Variants in KDM6A observed in about 807,000 individuals in gnomAD.
KDM6A encodes the protein lysine-specific demethylase 6A.
A neutral mutation model predicts 117.6 loss-of-function variants in KDM6A; 11 were observed. That is an observed-to-expected ratio of 0.09 (90% CI 0.06 to 0.15). The LOEUF is 0.15. Among genes scored for constraint, KDM6A ranks in the 10% least tolerant of loss-of-function variants. KDM6A has a pLI of 1.00. For missense variants in KDM6A, 799 were observed against 1,077.3 expected (o/e 0.74, Z 3.62); for synonymous variants, 384 against 396.1 (o/e 0.97, Z 0.36).
At chrX:45,041,670 C>T (rs1394333889) in intron 8 of KDM6A, among the ~76,000 whole-genome samples, 4 of 108,054 alleles carry the variant, frequency 3.7e-5, no homozygotes, top group African/African-American at 1.4e-4. Flanking sequence ...CGGGCAGAGA[C>T]GCTCCTCACT....
chrX:44,955,392 C>T (rs1767829670), intron 2 of KDM6A, among the ~76,000 whole-genome samples: 1 of 111,207 alleles, frequency 9.0e-6, no homozygotes, highest in Non-Finnish European at 1.9e-5. Flanking sequence ...GGATACCTAG[C>T]AGCCAATAAA....
Position 45,059,457 on chromosome X carries a change from G to T in KDM6A, c.1185G>T (p.Lys395Asn), listed in dbSNP as rs776700938. 6 of 1,192,957 alleles carry T rather than the reference G, an allele frequency of 5.0e-6. No homozygotes were observed. Among genetic ancestry groups the T allele is most frequent in the Non-Finnish European group, 6.8e-6 (6 of 881,168 alleles). ...SNTSALAARI[K>N]YLQAQLCNLP... ...CCTCTGCACTTGCAGCACGAATTAA[G>T]TATTTACAGGTAAAATTTTTAAATG... is the stretch of plus-strand genomic sequence containing the variant. Residue 395 changes from lysine to asparagine, a missense_variant, in exon 12 of 30, where the codon AAG becomes AAT. Around this residue, in one of 8 missense-constraint regions of KDM6A, gnomAD observed 36 missense variants for 44.4 expected, o/e 0.81. Transcript: ENST00000611820.
intron 22 of KDM6A, 33 bp from the exon 23 acceptor site, chrX:45,082,682 G>A (rs1229794498): frequency 1.7e-6 from 2 of 1,169,922 alleles, no homozygotes; most frequent in East Asian, 3.0e-5. Context: ...CTTTTTAAAA[G>A]GCATGTTTCT....
At chrX:45,023,460 T>G (rs1331112222) in intron 6 of KDM6A, among the ~76,000 whole-genome samples, 1 of 111,600 alleles carries the variant, frequency 9.0e-6, no homozygotes, top group Non-Finnish European at 1.9e-5. Flanking sequence ...GTGTTGGTGC[T>G]GTGTAAACAG....
chrX:44,915,049 A>G (rs1031875092), intron 2 of KDM6A, among the ~76,000 whole-genome samples: 1 of 111,865 alleles, frequency 8.9e-6, no homozygotes, highest in African/African-American at 3.3e-5. Context: ...CAACTGCTTT[A>G]GTCAGTTGTA....
chrX:45,105,362 A>T lies in KDM6A; in HGVS notation c.4035-2048A>T, dbSNP rs1017084446. On this transcript the variant is annotated intron_variant, in intron 27 of 29. Coordinates refer to ENST00000611820, the MANE Select transcript of KDM6A (RefSeq NM_001291415.2). ...ATAATGTATATGAAATAGCAAATAC[A>T]TGGCCCCTGTCTGGTTCTTATTTTT... is the stretch of plus-strand genomic sequence containing the variant. Among the ~76,000 whole-genome samples the T allele has an allele frequency of 5.4e-5, 6 of 111,869 alleles. No individual in the cohort carries two copies. In the South Asian group the frequency reaches 2.3e-3, roughly 42 times the overall value.
At chrX:44,986,276 T>G (rs1460196708) in intron 4 of KDM6A, among the ~76,000 whole-genome samples, 1 of 111,989 alleles carries the variant, frequency 8.9e-6, no homozygotes, top group East Asian at 2.8e-4. Flanking sequence ...CATTTTTTAT[T>G]GCGTCTATTT....
intron 10 of KDM6A, 63 bp downstream of exon 10, chrX:45,054,018 A>G (rs1401419026): frequency 9.2e-7 from 1 of 1,089,040 alleles, no homozygotes. Context: ...TTGAATTACA[A>G]TTTAAAATGT....
At chrX:44,989,287 G>A (rs2040437936) in intron 4 of KDM6A, among the ~76,000 whole-genome samples, 3 of 102,684 alleles carry the variant, frequency 2.9e-5, no homozygotes, top group Non-Finnish European at 4.0e-5. Flanking sequence ...CTGATTTTCC[G>A]GGTGCCGTCT....
chrX:44,923,782 A>G (rs1344441943), intron 2 of KDM6A, among the ~76,000 whole-genome samples: 5 of 110,375 alleles, frequency 4.5e-5, no homozygotes, highest in African/African-American at 9.9e-5. Flanking sequence ...GAGTGCAGTG[A>G]TGCAATCTCG....
intron 2 of KDM6A, among the ~76,000 whole-genome samples, chrX:44,959,737 A>G (rs1442428302): frequency 1.8e-5 from 2 of 111,697 alleles, no homozygotes; most frequent in East Asian, 5.6e-4. Flanking sequence ...CATCTGCCAG[A>G]TAAGAATTAT....
At chrX:45,011,681 T>G (rs779590128) in intron 5 of KDM6A, among the ~76,000 whole-genome samples, 1 of 112,235 alleles carries the variant, frequency 8.9e-6, no homozygotes, top group Non-Finnish European at 1.9e-5. Flanking sequence ...GTTGAAAGAT[T>G]GGTATTGTTG....
intron 4 of KDM6A, among the ~76,000 whole-genome samples, chrX:45,001,986 G>T (rs2041166227): frequency 9.0e-6 from 1 of 111,306 alleles, no homozygotes; most frequent in Non-Finnish European, 1.9e-5. Flanking sequence ...AAGACTTTTA[G>T]TTTTGAAGGA....
intron 2 of KDM6A, among the ~76,000 whole-genome samples, chrX:44,902,396 C>T (rs1304150232): frequency 2.0e-5 from 2 of 102,095 alleles, no homozygotes; most frequent in African/African-American, 7.2e-5. Flanking sequence ...CCATTTCTAC[C>T]TTTTTTTTTT....
intron 8 of KDM6A, 121 bp downstream of exon 8, chrX:45,037,810 G>A (rs1436695726): frequency 1.8e-6 from 1 of 550,441 alleles, no homozygotes; most frequent in Non-Finnish European, 3.0e-6. Context: ...TTACTTCTTA[G>A]GTAAATTTTG....
chrX:45,079,205 G>T lies in KDM6A; in HGVS notation c.3154G>T (p.Val1052Leu). 1 of 1,210,791 alleles carries T rather than the reference G, an allele frequency of 8.3e-7. No individual in the cohort carries two copies. Among genetic ancestry groups the T allele is most frequent in the Non-Finnish European group, 1.1e-6 (1 of 894,640 alleles). Reference sequence around the variant, plus strand: ...AGCTAACAATGAACATATGGTAGAAGTGAGGACACAGTTGTTGCAGCCAGC... The same window carrying T: ...AGCTAACAATGAACATATGGTAGAATTGAGGACACAGTTGTTGCAGCCAGC... ...VEANNEHMVE[V>L]RTQLLQPADE... Residue 1052 changes from valine (V) to leucine (L), a missense_variant, in exon 21 of 30, where the codon GTG becomes TTG. Physicochemically the swap from Val to Leu is conservative, Grantham distance 32. Coordinates refer to ENST00000611820, the MANE Select transcript of KDM6A (RefSeq NM_001291415.2).
intron 5 of KDM6A, among the ~76,000 whole-genome samples, chrX:45,011,984 C>T (rs937008050): frequency 1.8e-5 from 2 of 108,550 alleles, no homozygotes; most frequent in Admixed American, 9.9e-5. Context: ...GGGGCCTCCC[C>T]CTATGTTGCC....
chrX:45,069,637 C>A lies in KDM6A; in HGVS notation c.2138C>A (p.Ser713Tyr), dbSNP rs1367958377. ...SAGPNGERPL[S>Y]STGPSQHLQA... Reference sequence around the variant, plus strand: ...GGTCCTAATGGTGAACGACCTCTCTCTTCCACTGGGCCTTCCCAGCATCTC... The same window carrying A: ...GGTCCTAATGGTGAACGACCTCTCTATTCCACTGGGCCTTCCCAGCATCTC... Residue 713 changes from serine to tyrosine, a missense_variant, in exon 18 of 30, where the codon TCT (serine) becomes TAT (tyrosine). This residue lies in a region of KDM6A where 301 missense variants were observed against 318.3 expected (regional missense o/e 0.95). Transcript: ENST00000611820. 1.7e-6 allele frequency: 2 copies of A among 1,210,952 alleles called. No individual in the cohort carries two copies. Among genetic ancestry groups the A allele is most frequent in the East Asian group, 3.0e-5 (1 of 33,849 alleles).
chrX:44,922,766 G>A (rs1367538593), intron 2 of KDM6A, among the ~76,000 whole-genome samples: 1 of 112,693 alleles, frequency 8.9e-6, no homozygotes, highest in Non-Finnish European at 1.9e-5. Flanking sequence ...ACTGCGCCCG[G>A]CCTAATTTGA....
Sources: gnomAD v4.1 joint callset for allele counts (sites outside exome capture counted in the v4.1 genomes callset) on GRCh38, gnomAD v4.1.1 for gene constraint, gnomAD v4.1.1 regional missense constraint, MANE v1.5 for transcripts, NCBI Gene and HGNC (gene_info 2026-07-23, HGNC 2026-07-21) for gene names.